The following RAB40C variants were observed in gnomAD, a reference collection of about 807,000 sequenced individuals.
RAB40C encodes the protein RAB40C, member RAS oncogene family.
A neutral mutation model predicts 28.1 loss-of-function variants in RAB40C; 8 were observed. The observed-to-expected ratio is 0.28, with a 90% CI of 0.17 to 0.51. RAB40C has a LOEUF of 0.51. Ranked by LOEUF, RAB40C falls within the 20% of genes least tolerant of loss-of-function variation. The pLI is 0.97. For synonymous variants in RAB40C, 201 were observed against 171.7 expected, an observed-to-expected ratio of 1.17 and a Z score of -1.34; for missense variants, 288 against 405.9, an observed-to-expected ratio of 0.71 and a Z score of 2.50.
chr16:615,019 A>C (rs1214457792), intron 1 of RAB40C, among the ~76,000 whole-genome samples: 1 of 152,230 alleles, frequency 6.6e-6, no homozygotes, highest in East Asian at 1.9e-4. Context: ...TGGCACAACC[A>C]TTGTTCCTTC....
intron 1 of RAB40C, among the ~76,000 whole-genome samples, chr16:602,623 A>G (rs4984901): frequency 0.46 from 70,414 of 151,622 alleles, 16,736 homozygotes; most frequent in East Asian, 0.63. Context: ...AGTAGAGATG[A>G]GGTTTCACCA....
chr16:604,757 C>T (rs1205716666), intron 1 of RAB40C, among the ~76,000 whole-genome samples: 7 of 152,074 alleles, frequency 4.6e-5, no homozygotes, highest in Admixed American at 6.6e-5. Flanking sequence ...TTGCTATAAA[C>T]ATATTGAAAA....
At chr16:617,392 G>T in intron 2 of RAB40C, 124 bp downstream of exon 2, 2 of 1,133,392 alleles carry the variant, frequency 1.8e-6, no homozygotes, top group East Asian at 2.4e-5. Flanking sequence ...CACTTACACA[G>T]CCCCTGTTTA....
upstream of RAB40C, chr16:589,422 G>A (rs1046274418): frequency 1.5e-4 from 23 of 152,402 alleles, no homozygotes; most frequent in Admixed American, 1.5e-3. Flanking sequence ...GCCTGCGAGG[G>A]GCTTTCGTTT....
chr16:622,734 GA>G (rs2036746748), intron 3 of RAB40C, among the ~76,000 whole-genome samples: 1 of 152,200 alleles, frequency 6.6e-6, no homozygotes, highest in South Asian at 2.1e-4. Context: ...TCCATCTCTT[GA>G]CCTCGTGATC....
chr16:619,419 C>T (rs2036664305), intron 3 of RAB40C, among the ~76,000 whole-genome samples: 1 of 152,184 alleles, frequency 6.6e-6, no homozygotes, highest in Admixed American at 6.5e-5. Flanking sequence ...CGCTTGGCCA[C>T]CCTCGTTTCT....
intron 2 of RAB40C, 52 bp from the exon 3 acceptor site, chr16:618,148 A>G: frequency 6.4e-7 from 1 of 1,564,610 alleles, no homozygotes; most frequent in Non-Finnish European, 8.8e-7. Flanking sequence ...GAAGGAGGTG[A>G]GCCTCTCACA....
Position 626,108 on chromosome 16 carries a change from G to C in RAB40C, c.552G>C (p.Trp184Cys). 6.2e-7 allele frequency: 1 copy of C among 1,612,906 alleles called. No individual in the cohort carries two copies. The highest frequency in any genetic ancestry group is 8.5e-7 in the Non-Finnish European group (1 of 1,179,866). Residue 184 changes from tryptophan (W) to cysteine (C), a missense_variant, in exon 5 of 6, where the codon TGG (tryptophan) becomes TGC (cysteine). Transcript: ENST00000248139. ...TGCGGCACGGCATGGAGAAGATCTG[G>C]AGGCCCAACCGAGGTGGGTGGGCGG... ...VLMRHGMEKI[W>C]RPNRVFSLQD...
intron 3 of RAB40C, among the ~76,000 whole-genome samples, chr16:619,174 G>T (rs868101381): frequency 7.5e-4 from 110 of 146,758 alleles, no homozygotes; most frequent in African/African-American, 2.8e-3. Flanking sequence ...CTGTGTGTGT[G>T]CACAGGTGTA....
At chr16:600,714 T>C (rs537995101) in intron 1 of RAB40C, among the ~76,000 whole-genome samples, 13 of 152,166 alleles carry the variant, frequency 8.5e-5, no homozygotes, top group Non-Finnish European at 1.3e-4. Flanking sequence ...TTTGCACCAC[T>C]ACACTCCAGC....
intron 1 of RAB40C, among the ~76,000 whole-genome samples, chr16:613,881 C>T (rs1046686746): frequency 8.5e-5 from 13 of 152,098 alleles, no homozygotes; most frequent in African/African-American, 3.1e-4. Context: ...ACTTGAGGAG[C>T]AGGATTCCTG....
At chr16:597,934 C>G (rs1330265012) in intron 1 of RAB40C, among the ~76,000 whole-genome samples, 2 of 52,242 alleles carry the variant, frequency 3.8e-5, no homozygotes, top group Non-Finnish European at 6.6e-5. Flanking sequence ...GACCCCATCT[C>G]TACAAAAAAA....
At position 626,065 on chromosome 16, in the gene RAB40C, T is replaced by C. The variant is rs1373153766; in HGVS notation, c.509T>C (p.Leu170Pro). ...NFNVIESFTE[L>P]SRIVLMRHGM... is the part of the protein sequence containing the mutation. ...AACGTCATCGAGTCCTTCACGGAGCTATCCCGCATCGTGCTCATGCGGCAC... is the reference window on the plus strand; with the variant it reads ...AACGTCATCGAGTCCTTCACGGAGCCATCCCGCATCGTGCTCATGCGGCAC... The change falls in exon 5 of 6, where the codon CTA (leucine) becomes CCA (proline). Residue 170 changes from leucine to proline, a missense_variant. Leu to Pro is a moderately conservative substitution (Grantham distance 98, BLOSUM62 -3). This residue lies in a region of RAB40C where 153 missense variants were observed against 262.4 expected (regional missense o/e 0.58). Transcript: ENST00000248139. The C allele has an allele frequency of 6.2e-7, 1 of 1,613,366 alleles. No individual in the cohort carries two copies. The highest frequency in any genetic ancestry group is 1.7e-5 in the Admixed American group (1 of 60,026).
rs1346238135 is a variant in RAB40C, at chr16:603,124, G to C, written c.142+12691G>C. ...TTGTTTTCTTAATGTTCTGTGTTTAGCCAGGTGTTCTGTGCCAAGTGTGCC... is the reference window on the plus strand; with the variant it reads ...TTGTTTTCTTAATGTTCTGTGTTTACCCAGGTGTTCTGTGCCAAGTGTGCC... On this transcript the variant is annotated intron_variant, in intron 1 of 5. Transcript: ENST00000248139. 2.0e-5 allele frequency among the ~76,000 whole-genome samples: 3 copies of C among 152,186 alleles called. No individual in the cohort carries two copies. The East Asian group carries it at 5.8e-4, about 29-fold the overall frequency.
intron 3 of RAB40C, among the ~76,000 whole-genome samples, chr16:618,528 T>A (rs2036638162): frequency 6.6e-6 from 1 of 152,238 alleles, no homozygotes; most frequent in Admixed American, 6.5e-5. Context: ...TAGCTGGGAG[T>A]ACAGGCGCAG....
chr16:625,373 G>T, intron 3 of RAB40C, 59 bp from the exon 4 acceptor site: 1 of 1,587,118 alleles, frequency 6.3e-7, no homozygotes, highest in Non-Finnish European at 8.6e-7. Context: ...GAGCGTCCCT[G>T]GGCCTGGGCT....
chr16:603,512 G>C (rs1033919465), intron 1 of RAB40C, among the ~76,000 whole-genome samples: 1 of 152,174 alleles, frequency 6.6e-6, no homozygotes, highest in Non-Finnish European at 1.5e-5. Flanking sequence ...ATCTGGCTCT[G>C]ATATGTGTTC....
At chr16:622,338 G>A (rs1253793428) in intron 3 of RAB40C, among the ~76,000 whole-genome samples, 1 of 152,180 alleles carries the variant, frequency 6.6e-6, no homozygotes, top group African/African-American at 2.4e-5. Context: ...AGGGCGTGCG[G>A]GTGGGAGCAG....
intron 5 of RAB40C, 61 bp downstream of exon 5, chr16:626,182 G>A: frequency 6.7e-7 from 1 of 1,495,482 alleles, no homozygotes; most frequent in Non-Finnish European, 9.3e-7. Flanking sequence ...CTGATCACAT[G>A]GAGGCTGAGG....
Sources: gnomAD v4.1 joint callset for allele counts (sites outside exome capture counted in the v4.1 genomes callset) on GRCh38, gnomAD v4.1.1 for gene constraint, gnomAD v4.1.1 regional missense constraint, MANE v1.5 for transcripts, NCBI Gene and HGNC (gene_info 2026-07-23, HGNC 2026-07-21) for gene names.